PCID2: variants seen among roughly 807,000 people sequenced by gnomAD.
The protein encoded by PCID2 is PCI domain containing 2, also known as PCI domain-containing protein 2.
A neutral mutation model predicts 61.3 loss-of-function variants in PCID2; 41 were observed. That is an observed-to-expected ratio of 0.67 (90% CI 0.52 to 0.87). PCID2 has a LOEUF of 0.87. PCID2 is among the 40% of genes least tolerant of loss of function. PCID2 has a pLI of 0.00. For synonymous variants in PCID2, 187 were observed against 177.8 expected (o/e 1.05, Z -0.41); for missense variants, 392 against 493.4 (o/e 0.79, Z 1.95).
At chr13:113,197,750 T>A (rs1186648132) in intron 3 of PCID2, among the ~76,000 whole-genome samples, 1 of 152,222 alleles carries the variant, frequency 6.6e-6, no homozygotes, top group Non-Finnish European at 1.5e-5. Flanking sequence ...TGAAAGACAG[T>A]AATCAAATCT....
the PCID2 span, among the ~76,000 whole-genome samples, chr13:113,171,352 C>T: frequency 2.6e-5 from 4 of 152,178 alleles, no homozygotes; most frequent in African/African-American, 7.2e-5. The surrounding 1 kb of genome is among the most constrained non-coding windows in gnomAD (Gnocchi z 5.1). Flanking sequence ...CACTGCACTC[C>T]AAAACAGAAG....
intron 6 of PCID2, among the ~76,000 whole-genome samples, 169 bp downstream of exon 6, chr13:113,194,902 G>C (rs564230502): frequency 4.6e-5 from 7 of 152,242 alleles, no homozygotes. Context: ...TAAATCTGTT[G>C]GTGTTAACCC....
chr13:113,174,350 A>T (rs1457297177), downstream of PCID2, among the ~76,000 whole-genome samples: 1 of 152,228 alleles, frequency 6.6e-6, no homozygotes, highest in South Asian at 2.1e-4. Context: ...AGAAAGCTAC[A>T]GGCCCAGACT....
chr13:113,195,252 G>A (rs2038928347), intron 5 of PCID2, 127 bp from the exon 6 acceptor site: 1 of 693,654 alleles, frequency 1.4e-6, no homozygotes, highest in African/African-American at 1.8e-5. Flanking sequence ...CCAAAACTCT[G>A]ACAGTTGTCT....
chr13:113,197,729 C>T (rs989141810), intron 3 of PCID2, among the ~76,000 whole-genome samples: 17 of 152,184 alleles, frequency 1.1e-4, no homozygotes, highest in African/African-American at 4.1e-4. Context: ...GTCCTGTAGC[C>T]CAGGCTGCTC....
At chr13:113,205,122 TCA>T (rs1286091705) in intron 1 of PCID2, among the ~76,000 whole-genome samples, 1 of 152,218 alleles carries the variant, frequency 6.6e-6, no homozygotes, top group African/African-American at 2.4e-5. Context: ...TTCTGAATAG[TCA>T]AACTTTCCAA....
intron 1 of PCID2, among the ~76,000 whole-genome samples, chr13:113,204,653 C>G (rs2039672330): frequency 6.6e-6 from 1 of 152,172 alleles, no homozygotes; most frequent in African/African-American, 2.4e-5. Flanking sequence ...AAGGAGGGCC[C>G]CAGCTTGCTT....
downstream of PCID2, among the ~76,000 whole-genome samples, chr13:113,174,236 T>TG (rs2037156775): frequency 3.6e-5 from 5 of 139,910 alleles, no homozygotes; most frequent in African/African-American, 1.0e-4. Context: ...AGACTCCATC[T>TG]CAAAAAAAAA....
chr13:113,185,627 A>C, intron 7 of PCID2, 67 bp from the exon 8 acceptor site: 1 of 999,998 alleles, frequency 1.0e-6, no homozygotes, highest in East Asian at 2.6e-5. Context: ...TCACAAAATA[A>C]ACTGCCTAAA....
intron 9 of PCID2, chr13:113,184,025 G>C (rs2037878616): frequency 1.0e-6 from 1 of 984,440 alleles, no homozygotes; most frequent in Non-Finnish European, 1.2e-6. Flanking sequence ...AACATAACCA[G>C]CATCTATTAC....
chr13:113,167,159 T>C, the PCID2 span, among the ~76,000 whole-genome samples: 2 of 152,202 alleles, frequency 1.3e-5, no homozygotes, highest in Admixed American at 6.5e-5. Flanking sequence ...GTTTCTTACA[T>C]CCTAGGGAAG....
Position 113,178,074 on chromosome 13 carries a change from T to G in PCID2, c.*124A>C. ...CTGAAAATCTCAGCCTCAGCATCCCTGGGAAAAGCGCCTCCAAGAGTTCCG... is the reference window on the plus strand; with the variant it reads ...CTGAAAATCTCAGCCTCAGCATCCCGGGGAAAAGCGCCTCCAAGAGTTCCG... On this transcript the variant is annotated 3_prime_UTR_variant, in exon 14 of 14. Coordinates refer to ENST00000337344, the MANE Select transcript of PCID2 (RefSeq NM_001127202.4). 1.7e-6 allele frequency: 1 copy of G among 597,994 alleles called. No homozygotes were observed. The highest frequency in any genetic ancestry group is 3.0e-6 in the Non-Finnish European group (1 of 336,326). 37.0% of individuals were successfully genotyped at this position (597,994 alleles called of 1,614,324 possible).
At chr13:113,165,070 G>C in the PCID2 span, 1 of 1,613,240 alleles carries the variant, frequency 6.2e-7, no homozygotes, top group African/African-American at 1.3e-5. Flanking sequence ...TGCCTGCGGG[G>C]TGCTGACCTC....
Position 113,179,347 on chromosome 13 carries a change from A to C in PCID2, c.987-258T>G, listed in dbSNP as rs139968601. Among the ~76,000 whole-genome samples, 258 of 151,904 alleles carry C rather than the reference A, an allele frequency of 1.7e-3. 1 individual carries two copies. The highest frequency in any genetic ancestry group is 5.7e-3 in the African/African-American group (238 of 41,440). ...GGTTCGGTTTTTTTTTTCACATTTT[A>C]ATCTCCCTGAAATCAGGAAGCACCT... On this transcript the variant is annotated intron_variant, in intron 12 of 13. Coordinates refer to ENST00000337344, the MANE Select transcript of PCID2 (RefSeq NM_001127202.4). This position sits in a 1 kb window ranked among gnomAD's most constrained non-coding sequence, Gnocchi z 4.3.
intron 2 of PCID2, among the ~76,000 whole-genome samples, chr13:113,198,704 C>CATAAATAA (rs530661772): frequency 7.2e-5 from 11 of 151,926 alleles, no homozygotes; most frequent in African/African-American, 1.9e-4. Flanking sequence ...GACTCTGTCT[C>CATAAATAA]ATAAATAAAT....
intron 3 of PCID2, among the ~76,000 whole-genome samples, 193 bp downstream of exon 3, chr13:113,197,998 G>A (rs1459881707): frequency 6.6e-6 from 1 of 151,996 alleles, no homozygotes; most frequent in African/African-American, 2.4e-5. Context: ...ACTGTGTGAT[G>A]TTAAAAATAG....
chr13:113,166,599 G>A, the PCID2 span, among the ~76,000 whole-genome samples: 5 of 152,218 alleles, frequency 3.3e-5, no homozygotes, highest in African/African-American at 7.2e-5. Context: ...GGAAGAAACC[G>A]AAGGGAGGCA....
At chr13:113,208,082 G>A (rs944882977) in intron 1 of PCID2, 5 of 1,612,606 alleles carry the variant, frequency 3.1e-6, no homozygotes, top group Non-Finnish European at 4.2e-6. Context: ...TGTGCATTGT[G>A]CTCGGAGAGT....
At chr13:113,173,018 G>A (rs541387423), downstream of PCID2, among the ~76,000 whole-genome samples, 2 of 152,262 alleles carry the variant, frequency 1.3e-5, no homozygotes, top group African/African-American at 4.8e-5. Context: ...GGCCATGAGG[G>A]CTCTGCCAGC....
Sources: gnomAD v4.1 joint callset for allele counts (sites outside exome capture counted in the v4.1 genomes callset) on GRCh38, gnomAD v4.1.1 for gene constraint, Gnocchi (gnomAD v3.1) non-coding constraint, MANE v1.5 for transcripts, NCBI Gene and HGNC (gene_info 2026-07-23, HGNC 2026-07-21) for gene names.